Variants in NTNG2 observed in about 807,000 individuals in gnomAD.
NTNG2 encodes the protein netrin-G2.
In NTNG2, 15 loss-of-function variants were observed where a neutral mutation model predicts 47.6. The ratio of observed to expected loss-of-function variants is 0.32; its 90% CI spans 0.21 to 0.49. The LOEUF (loss-of-function observed/expected upper bound fraction) is 0.49. NTNG2 is among the 20% of genes least tolerant of loss of function. The pLI is 0.99. For synonymous variants in NTNG2, 307 were observed against 324.6 expected, an observed-to-expected ratio of 0.95 and a Z score of 0.58; for missense variants, 578 against 764.6, an observed-to-expected ratio of 0.76 and a Z score of 2.88.
At chr9:132,216,414 C>CTCTGTGTGTGTG (rs1554790515) in intron 3 of NTNG2, among the ~76,000 whole-genome samples, 2 of 110,288 alleles carry the variant, frequency 1.8e-5, no homozygotes, top group African/African-American at 9.8e-5. Context: ...CTCTCTCTCT[C>CTCTGTGTGTGTG]TGTGTGTGTG....
rs1589526172 is a variant in NTNG2, at chr9:132,226,343, C to A, written c.858-506C>A. Among the ~76,000 whole-genome samples the A allele has an allele frequency of 6.6e-6, 1 of 152,202 alleles. No homozygotes were observed. Among genetic ancestry groups the A allele is most frequent in the African/African-American group, 2.4e-5 (1 of 41,436 alleles). Reference sequence around the variant, plus strand: ...TGGGAGTTGGGGGTTCTATCTGTTGCCCTCAAGGGCGTGGCTGTGGGCCAC... The same window carrying A: ...TGGGAGTTGGGGGTTCTATCTGTTGACCTCAAGGGCGTGGCTGTGGGCCAC... On this transcript the variant is annotated intron_variant, in intron 3 of 7. Transcript: ENST00000393229. This position sits in a 1 kb window ranked among gnomAD's most constrained non-coding sequence, Gnocchi z 4.8.
intron 2 of NTNG2, among the ~76,000 whole-genome samples, chr9:132,188,952 T>C (rs28578527): frequency 0.015 from 2,261 of 152,224 alleles, 63 homozygotes; most frequent in African/African-American, 0.051. Flanking sequence ...GAAAGATCTT[T>C]TCCTCACCCA....
At chr9:132,224,538 G>A (rs780083113) in intron 3 of NTNG2, among the ~76,000 whole-genome samples, 1 of 152,120 alleles carries the variant, frequency 6.6e-6, no homozygotes, top group Non-Finnish European at 1.5e-5. Flanking sequence ...TCAGGTCAGG[G>A]AGCCATCTGC....
At chr9:132,161,964 C>A (rs1835066538), upstream of NTNG2, 1 of 150,368 alleles carries the variant, frequency 6.7e-6, no homozygotes, top group African/African-American at 2.4e-5. The surrounding 1 kb of genome is among the most constrained non-coding windows in gnomAD (Gnocchi z 7.2). Context: ...CCCGGGCGGG[C>A]GATGCGGGCG....
At chr9:132,227,376 A>G (rs2130940713) in intron 4 of NTNG2, among the ~76,000 whole-genome samples, 1 of 152,310 alleles carries the variant, frequency 6.6e-6, no homozygotes, top group South Asian at 2.1e-4. Flanking sequence ...GGGAAACCCG[A>G]GAGGAGCTGC....
At chr9:132,209,271 C>T (rs1307265427) in intron 3 of NTNG2, among the ~76,000 whole-genome samples, 2 of 152,362 alleles carry the variant, frequency 1.3e-5, no homozygotes, top group South Asian at 2.1e-4. Context: ...TCTTCCAGCG[C>T]GGCTGTGCAC....
chr9:132,243,585 C>G lies in NTNG2; in HGVS notation c.*1474C>G, dbSNP rs893023247. On this transcript the variant is annotated 3_prime_UTR_variant, in exon 8 of 8. Coordinates refer to ENST00000393229, the MANE Select transcript of NTNG2 (RefSeq NM_032536.4). Reference sequence around the variant, plus strand: ...ACCTATGTTTATTTCAGAGCAGTGCCGGGGGTCCGGTCCTGGTTGCTAACT... The same window carrying G: ...ACCTATGTTTATTTCAGAGCAGTGCGGGGGGTCCGGTCCTGGTTGCTAACT... 6.6e-6 allele frequency: 1 copy of G among 152,368 alleles called. No individual in the cohort carries two copies. Among genetic ancestry groups the G allele is most frequent in the African/African-American group, 2.4e-5 (1 of 41,458 alleles). 9.4% of individuals were successfully genotyped at this position (152,368 alleles called of 1,614,324 possible).
At chr9:132,183,955 T>C (rs1837140557) in intron 2 of NTNG2, among the ~76,000 whole-genome samples, 2 of 152,172 alleles carry the variant, frequency 1.3e-5, no homozygotes, top group Admixed American at 6.5e-5. Context: ...TCCCCAGGTA[T>C]TGTCATGTTT....
At chr9:132,170,710 T>TGA (rs143527538) in intron 2 of NTNG2, among the ~76,000 whole-genome samples, 5 of 147,806 alleles carry the variant, frequency 3.4e-5, no homozygotes, top group East Asian at 4.0e-4. Context: ...GACGAGCAGG[T>TGA]GAGAGAGAGA....
At chr9:132,174,164 G>A (rs1356092230) in intron 2 of NTNG2, among the ~76,000 whole-genome samples, 1 of 143,454 alleles carries the variant, frequency 7.0e-6, no homozygotes, top group Non-Finnish European at 1.5e-5. Flanking sequence ...CGGATGAGAC[G>A]GACGGACGGA....
At chr9:132,192,695 C>T (rs1837987749) in intron 2 of NTNG2, among the ~76,000 whole-genome samples, 2 of 152,188 alleles carry the variant, frequency 1.3e-5, no homozygotes, top group East Asian at 1.9e-4. Context: ...AGTGCCTTTG[C>T]TGGGATGCTC....
chr9:132,173,505 C>G (rs911055135), intron 2 of NTNG2, among the ~76,000 whole-genome samples: 5 of 152,208 alleles, frequency 3.3e-5, no homozygotes, highest in Non-Finnish European at 5.9e-5. Flanking sequence ...TTCCGGTCTG[C>G]GCATCCCCAC....
chr9:132,180,749 A>AC lies in NTNG2; in HGVS notation c.213+13708dup, dbSNP rs1158945947. On this transcript the variant is annotated intron_variant, in intron 2 of 7. Coordinates refer to ENST00000393229, the MANE Select transcript of NTNG2 (RefSeq NM_032536.4). The surrounding 1 kb of genome is among the most constrained non-coding windows in gnomAD (Gnocchi z 4.2). ...CAATAACCTCCCAGCATCCAGGAAGACCCAGAGGGGAGAAATGCAGGGAAC... is the reference window on the plus strand; with the variant it reads ...CAATAACCTCCCAGCATCCAGGAAGACCCCAGAGGGGAGAAATGCAGGGAAC... Among the ~76,000 whole-genome samples, 18 of 152,184 alleles carry AC rather than the reference A, an allele frequency of 1.2e-4. No homozygotes were observed. The highest frequency in any genetic ancestry group is 2.9e-5 in the Non-Finnish European group (2 of 68,018).
At chr9:132,181,817 G>A (rs1836963134) in intron 2 of NTNG2, among the ~76,000 whole-genome samples, 1 of 152,236 alleles carries the variant, frequency 6.6e-6, no homozygotes, top group African/African-American at 2.4e-5. Context: ...CTTGCCGAAG[G>A]CCACACAGCT....
chr9:132,227,443 C>G (rs1020960982), intron 4 of NTNG2, among the ~76,000 whole-genome samples: 1 of 152,186 alleles, frequency 6.6e-6, no homozygotes, highest in African/African-American at 2.4e-5. Context: ...GCAGGTGGCC[C>G]CCATGGGATG....
At position 132,171,685 on chromosome 9, in the gene NTNG2, C is replaced by G. The variant is rs1347068392; in HGVS notation, c.213+4641C>G. On this transcript the variant is annotated intron_variant, in intron 2 of 7. Coordinates refer to ENST00000393229, the MANE Select transcript of NTNG2 (RefSeq NM_032536.4). ...GGTCTGCTGGGCTGTTGAATGCAGACAGCAGGCAGGTCCTGGAGTCCTTGA... is the reference window on the plus strand; with the variant it reads ...GGTCTGCTGGGCTGTTGAATGCAGAGAGCAGGCAGGTCCTGGAGTCCTTGA... 2.6e-5 allele frequency among the ~76,000 whole-genome samples: 4 copies of G among 152,356 alleles called. No individual in the cohort carries two copies. In the East Asian group the frequency reaches 7.7e-4, roughly 29 times the overall value.
At position 132,208,718 on chromosome 9, in the gene NTNG2, AT is replaced by A. The variant is rs201119955; in HGVS notation, c.857+10119del. Among the ~76,000 whole-genome samples the A allele has an allele frequency of 4.0e-5, 6 of 151,292 alleles. No individual in the cohort carries two copies. The highest frequency in any genetic ancestry group is 1.9e-4 in the East Asian group (1 of 5,136). Reference sequence around the variant, plus strand: ...AGGTGAGGGGATTTTCTGGAGGGGAATTTTTTTTTTATTTCTTAATTTTTTA... The same window carrying A: ...AGGTGAGGGGATTTTCTGGAGGGGAATTTTTTTTTATTTCTTAATTTTTTA... On this transcript the variant is annotated intron_variant, in intron 3 of 7. Transcript: ENST00000393229. This position sits in a 1 kb window ranked among gnomAD's most constrained non-coding sequence, Gnocchi z 4.0.
intron 2 of NTNG2, among the ~76,000 whole-genome samples, chr9:132,195,087 G>A (rs1195165339): frequency 2.6e-5 from 4 of 152,182 alleles, no homozygotes; most frequent in East Asian, 1.9e-4. Flanking sequence ...GACAGTGTTC[G>A]TTTTTTTCTT....
chr9:132,237,815 G>C (rs550601579), intron 5 of NTNG2, among the ~76,000 whole-genome samples: 1 of 152,364 alleles, frequency 6.6e-6, no homozygotes, highest in Admixed American at 6.5e-5. Context: ...TGGCCCTGGG[G>C]CTCGTGTTGG....
Sources: allele counts gnomAD v4.1 joint callset (sites outside exome capture counted in the v4.1 genomes callset), GRCh38; gene constraint gnomAD v4.1.1; non-coding constraint Gnocchi (gnomAD v3.1); transcripts MANE v1.5; gene names NCBI Gene and HGNC (gene_info 2026-07-23, HGNC 2026-07-21).